CFHR4: variants seen among roughly 807,000 people sequenced by gnomAD.
CFHR4 encodes complement factor H related 4, also known as complement factor H-related protein 4.
In CFHR4, 64 loss-of-function variants were observed where a neutral mutation model predicts 69.3. The ratio of observed to expected loss-of-function variants is 0.92; its 90% CI spans 0.76 to 1.14. The LOEUF is 1.14. Among genes scored for constraint, CFHR4 ranks in the 50% most tolerant of loss-of-function variants. The pLI is 0.00. For synonymous variants in CFHR4, 244 were observed against 237.0 expected (o/e 1.03, Z -0.27); for missense variants, 636 against 684.9 (o/e 0.93, Z 0.80).
At chr1:196,902,060 A>C (rs1205153503) in intron 1 of CFHR4, among the ~76,000 whole-genome samples, 1 of 151,578 alleles carries the variant, frequency 6.6e-6, no homozygotes, top group Non-Finnish European at 1.5e-5. Flanking sequence ...TGGTCTGAGA[A>C]GAACAGGCAG....
rs187114375 is a variant in CFHR4, at chr1:196,889,044, G to A, written c.58+836G>A. 1.5e-4 allele frequency among the ~76,000 whole-genome samples: 22 copies of A among 151,484 alleles called. 3 individuals carry two copies. Among genetic ancestry groups the A allele is most frequent in the African/African-American group, 4.9e-4 (20 of 41,222 alleles). On this transcript the variant is annotated intron_variant, in intron 1 of 9. Coordinates refer to ENST00000608469, the MANE Select transcript of CFHR4 (RefSeq NM_001201550.3). ...GGTCAAAAATCATGGACAATCAAAGGTGTGTCACCATTAATGAAGAAAACA... is the reference window on the plus strand; with the variant it reads ...GGTCAAAAATCATGGACAATCAAAGATGTGTCACCATTAATGAAGAAAACA...
rs1370149774 is a variant in CFHR4 at position 196,918,623 on chromosome 1, C to G, written c.*217C>G. On this transcript the variant is annotated 3_prime_UTR_variant, in exon 10 of 10. Coordinates refer to ENST00000608469, the MANE Select transcript of CFHR4 (RefSeq NM_001201550.3). ...TTGTACTAAAATAATAAAAACTACC[C>G]TTATATTGGACTTCCTATCAATGAA... 6.3e-6 allele frequency: 3 copies of G among 476,492 alleles called. No individual in the cohort carries two copies. Among genetic ancestry groups the G allele is most frequent in the Non-Finnish European group, 1.1e-5 (3 of 267,658 alleles). The allele number at this position is 476,492 out of a possible 1,614,324, so 29.5% of individuals were successfully genotyped here. A position where few individuals can be genotyped will look rare whatever the true frequency, so the allele number is the denominator to read the frequency against.
At position 196,910,352 on chromosome 1, in the gene CFHR4, T is replaced by A; in HGVS notation, c.871T>A (p.Phe291Ile). Reference protein sequence around the residue: ...LYYENTRRPYFPVATGQSYSY... With the variant: ...LYYENTRRPYIPVATGQSYSY... ...TTATGAGAATACGCGTAGACCATAC[T>A]TTCCAGTAGCTACAGGACAATCTTA... is the stretch of plus-strand genomic sequence containing the variant. Residue 291 changes from phenylalanine (F) to isoleucine (I), a missense_variant, in exon 6 of 10, where the codon TTT (phenylalanine) becomes ATT (isoleucine). Phe to Ile is a conservative substitution (Grantham distance 21). Transcript: ENST00000608469. 6.2e-7 allele frequency: 1 copy of A among 1,612,112 alleles called. No individual in the cohort carries two copies. Among genetic ancestry groups the A allele is most frequent in the Non-Finnish European group, 8.5e-7 (1 of 1,179,088 alleles).
chr1:196,888,317 A>C (rs1260493959), intron 1 of CFHR4, 109 bp downstream of exon 1: 2 of 1,065,072 alleles, frequency 1.9e-6, no homozygotes, highest in Non-Finnish European at 2.8e-6. Context: ...GGATATATTC[A>C]CTATGCTAGC....
In CFHR4 at chr1:196,902,632, A is replaced by G. The variant is rs1373309984; in HGVS notation, c.256+17A>G. On this transcript the variant is annotated intron_variant, in intron 2 of 9. Transcript: ENST00000608469. ...CATGCCTCAGTAAGTAAACCTCTTT[A>G]CAAGAATATGTGCATAAAACTTGAA... 1 of 1,562,408 alleles carries G rather than the reference A, an allele frequency of 6.4e-7. No homozygotes were observed. The highest frequency in any genetic ancestry group is 1.7e-5 in the Admixed American group (1 of 59,524).
At position 196,906,907 on chromosome 1, in the gene CFHR4, T is replaced by C. The variant is rs755664644; in HGVS notation, c.486T>C (p.Asn162=). The C allele has an allele frequency of 1.1e-5, 18 of 1,609,536 alleles. No individual in the cohort carries two copies. The highest frequency in any genetic ancestry group is 1.7e-5 in the Admixed American group (1 of 59,046). Residue 162 remains asparagine, a synonymous_variant, in exon 4 of 10, where the codon AAT becomes AAC. Coordinates refer to ENST00000608469, the MANE Select transcript of CFHR4 (RefSeq NM_001201550.3). ...PVFENSRAKS[N]GMWFKLHDTL... is the part of the protein sequence containing the mutation. ...TTGAGAATTCCAGAGCCAAGAGTAATGGCATGTGGTTTAAGCTCCATGACA... is the reference window on the plus strand; with the variant it reads ...TTGAGAATTCCAGAGCCAAGAGTAACGGCATGTGGTTTAAGCTCCATGACA...
In CFHR4 at chr1:196,910,432, C is replaced by T; in HGVS notation, c.951C>T (p.Tyr317=). The T allele has an allele frequency of 6.2e-7, 1 of 1,612,742 alleles. No homozygotes were observed. The highest frequency in any genetic ancestry group is 8.5e-7 in the Non-Finnish European group (1 of 1,179,610). Residue 317 remains tyrosine (Y), a synonymous_variant, in exon 6 of 10, where the codon TAC becomes TAT. Coordinates refer to ENST00000608469, the MANE Select transcript of CFHR4 (RefSeq NM_001201550.3). Reference sequence around the variant, plus strand: ...CTCCTTCAGGAAGTTACTGGGATTACATTCACTGCACACAAGATGGGTGGT... The same window carrying T: ...CTCCTTCAGGAAGTTACTGGGATTATATTCACTGCACACAAGATGGGTGGT... ...FVTPSGSYWD[Y]IHCTQDGWLP...
rs563602032 is a variant in CFHR4, at chr1:196,914,784, C to A, written c.1357+113C>A. On this transcript the variant is annotated intron_variant, in intron 8 of 9. Coordinates refer to ENST00000608469, the MANE Select transcript of CFHR4 (RefSeq NM_001201550.3). The stretch of plus-strand genomic sequence containing the variant: ...ATATGTACATATATATGTAGTCCTC[C>A]TATGAGTGTGAATTATCTTGAGACT... 1.9e-4 allele frequency: 274 copies of A among 1,414,336 alleles called. 5 individuals are homozygous for A. The South Asian group carries it at 3.5e-3, about 18-fold the overall frequency. 87.6% of individuals were successfully genotyped at this position (1,414,336 alleles called of 1,614,324 possible).
At chr1:196,909,080 T>C (rs1370110892) in intron 5 of CFHR4, among the ~76,000 whole-genome samples, 5 of 151,568 alleles carry the variant, frequency 3.3e-5, no homozygotes, top group African/African-American at 1.2e-4. Flanking sequence ...CAAGTATCTT[T>C]GAACATGATT....
intron 6 of CFHR4, among the ~76,000 whole-genome samples, chr1:196,911,780 C>T (rs909441454): frequency 6.6e-6 from 1 of 151,386 alleles, no homozygotes; most frequent in Admixed American, 6.6e-5. Flanking sequence ...CATTAATCCA[C>T]CTAATAAATA....
Position 196,888,130 on chromosome 1 carries a change from A to C in CFHR4, c.-21A>C, listed in dbSNP as rs763898582. The stretch of plus-strand genomic sequence containing the variant: ...GTGCAACTGAAACTTTTGCATTACT[A>C]TACTACTGAGAATATCTAACATGTT... On this transcript the variant is annotated 5_prime_UTR_variant, in exon 1 of 10. Transcript: ENST00000608469. The C allele has an allele frequency of 8.1e-6, 13 of 1,608,594 alleles. No individual in the cohort carries two copies. The South Asian group carries it at 1.4e-4, about 18-fold the overall frequency.
At chr1:196,897,222 G>A (rs1281136348) in intron 1 of CFHR4, among the ~76,000 whole-genome samples, 1 of 151,568 alleles carries the variant, frequency 6.6e-6, no homozygotes, top group Non-Finnish European at 1.5e-5. Flanking sequence ...TTGTCGCCCC[G>A]CAGCTCAAAC....
chr1:196,914,718 T>C lies in CFHR4; in HGVS notation c.1357+47T>C, dbSNP rs765563732. 3.3e-6 allele frequency: 5 copies of C among 1,513,158 alleles called. No homozygotes were observed. The South Asian group carries it at 5.1e-5, about 15-fold the overall frequency. 93.7% of individuals were successfully genotyped at this position (1,513,158 alleles called of 1,614,324 possible). On this transcript the variant is annotated intron_variant, in intron 8 of 9. Transcript: ENST00000608469. ...TTTTTATTAGAATTAAATAAAATAA[T>C]AGACACCTACATATGTATATGTACA...
In CFHR4 at chr1:196,898,143, T is replaced by G. The variant is rs142189357; in HGVS notation, c.59-4275T>G. Among the ~76,000 whole-genome samples the G allele has an allele frequency of 6.8e-3, 1,032 of 151,386 alleles. 41 individuals are homozygous for G. The highest frequency in any genetic ancestry group is 0.024 in the African/African-American group (989 of 41,086). The stretch of plus-strand genomic sequence containing the variant: ...TTTTCTTTTCAGAAAAAAAAAAATG[T>G]AATCCTCCTTATATTCAAAATGATG... On this transcript the variant is annotated intron_variant, in intron 1 of 9. Coordinates refer to ENST00000608469, the MANE Select transcript of CFHR4 (RefSeq NM_001201550.3).
intron 7 of CFHR4, among the ~76,000 whole-genome samples, chr1:196,914,147 A>T (rs971543653): frequency 1.3e-5 from 2 of 151,440 alleles, no homozygotes; most frequent in African/African-American, 4.9e-5. Context: ...TAACTTTTAA[A>T]TTCACAAAAT....
chr1:196,918,123 T>G lies in CFHR4; in HGVS notation c.1541-87T>G. On this transcript the variant is annotated intron_variant, in intron 9 of 9. Transcript: ENST00000608469. Reference sequence around the variant, plus strand: ...ATTTGGATTATTTTATAATTTTATTTTATCCTAAACTACTCATTAGGATGC... The same window carrying G: ...ATTTGGATTATTTTATAATTTTATTGTATCCTAAACTACTCATTAGGATGC... The G allele has an allele frequency of 2.3e-6, 3 of 1,308,424 alleles. 1 individual carries two copies. The highest frequency in any genetic ancestry group is 2.1e-6 in the Non-Finnish European group (2 of 965,644). The allele number at this position is 1,308,424 out of a possible 1,614,324, so 81.1% of individuals were successfully genotyped here.
At position 196,917,748 on chromosome 1, in the gene CFHR4, T is replaced by G. The variant is rs910386969; in HGVS notation, c.1541-462T>G. Among the ~76,000 whole-genome samples, 18 of 151,476 alleles carry G rather than the reference T, an allele frequency of 1.2e-4. 2 individuals are homozygous for G. The highest frequency in any genetic ancestry group is 3.9e-4 in the African/African-American group (16 of 41,038). ...AAAGATTATACCTTTCTACAGTTCTTTTTCTACACTGTGGGCATAAGAGAA... is the reference window on the plus strand; with the variant it reads ...AAAGATTATACCTTTCTACAGTTCTGTTTCTACACTGTGGGCATAAGAGAA... On this transcript the variant is annotated intron_variant, in intron 9 of 9. Transcript: ENST00000608469.
intron 5 of CFHR4, among the ~76,000 whole-genome samples, chr1:196,909,402 C>G (rs931463032): frequency 9.3e-5 from 14 of 151,336 alleles, no homozygotes; most frequent in Non-Finnish European, 2.9e-5. Flanking sequence ...CATTCCAGAA[C>G]AGCAGAAAAC....
chr1:196,903,672 T>C (rs6428375), intron 2 of CFHR4, among the ~76,000 whole-genome samples: 88,499 of 149,504 alleles, frequency 0.59, 29,431 homozygotes, highest in East Asian at 0.82. Flanking sequence ...AAAAAACACA[T>C]ATATATATAT....
Sources: gnomAD v4.1 joint callset for allele counts (sites outside exome capture counted in the v4.1 genomes callset) on GRCh38, gnomAD v4.1.1 for gene constraint, MANE v1.5 for transcripts, NCBI Gene and HGNC (gene_info 2026-07-23, HGNC 2026-07-21) for gene names.